The following CTSS variants were observed in gnomAD, a reference collection of about 807,000 sequenced individuals.
CTSS encodes cathepsin S.
In CTSS, 15 loss-of-function variants were observed where a neutral mutation model predicts 39.9. The ratio of observed to expected loss-of-function variants is 0.38; its 90% CI spans 0.25 to 0.58. The LOEUF (loss-of-function observed/expected upper bound fraction) is 0.58, where lower values mean the gene tolerates loss of function less well. Among genes scored for constraint, CTSS ranks in the 20% least tolerant of loss-of-function variants. The probability of loss-of-function intolerance (pLI) is 0.70; values close to 1 mark genes in which losing one functional copy is unlikely to be tolerated. For missense variants in CTSS, 250 were observed against 398.2 expected, an observed-to-expected ratio of 0.63 and a Z score of 3.17; for synonymous variants, 126 against 138.2, an observed-to-expected ratio of 0.91 and a Z score of 0.62.
At chr1:150,760,225 G>T (rs1415246530) in intron 2 of CTSS, among the ~76,000 whole-genome samples, 6 of 152,156 alleles carry the variant, frequency 3.9e-5, no homozygotes, top group Admixed American at 3.9e-4. Flanking sequence ...GGGTGTGGGT[G>T]AGGGTGAAAT....
intron 7 of CTSS, among the ~76,000 whole-genome samples, chr1:150,738,381 C>G (rs1377083545): frequency 1.3e-5 from 2 of 152,164 alleles, no homozygotes; most frequent in Non-Finnish European, 2.9e-5. Context: ...CACAATGTTT[C>G]CAACAGCCTG....
chr1:150,754,166 T>C (rs587684776), intron 4 of CTSS, among the ~76,000 whole-genome samples: 25 of 146,906 alleles, frequency 1.7e-4, no homozygotes, highest in Admixed American at 9.8e-4. Flanking sequence ...CAGGCTGGAG[T>C]GCAGTGGCAA....
At chr1:150,752,134 C>T in intron 4 of CTSS, 126 bp from the exon 5 acceptor site, 1 of 866,274 alleles carries the variant, frequency 1.2e-6, no homozygotes, top group East Asian at 2.7e-5. Context: ...AGCTCCCCCA[C>T]TACAGTTTCC....
chr1:150,755,683 T>A (rs1190100399), intron 3 of CTSS, among the ~76,000 whole-genome samples: 1 of 151,394 alleles, frequency 6.6e-6, no homozygotes, highest in Non-Finnish European at 1.5e-5. Flanking sequence ...GAGGTTGCAG[T>A]GAGCTGAGAT....
chr1:150,748,160 C>T (rs1013000895), intron 6 of CTSS: 11 of 217,812 alleles, frequency 5.1e-5, no homozygotes, highest in African/African-American at 1.9e-4. Flanking sequence ...CATGGTGGCA[C>T]GCACCTGTAG....
At chr1:150,740,539 C>A (rs377564552) in intron 7 of CTSS, among the ~76,000 whole-genome samples, 3 of 151,946 alleles carry the variant, frequency 2.0e-5, no homozygotes, top group African/African-American at 4.8e-5. Context: ...TACAGGCATG[C>A]GCCACCACGC....
intron 3 of CTSS, 34 bp downstream of exon 3, chr1:150,757,824 G>C: frequency 6.2e-7 from 1 of 1,601,482 alleles, no homozygotes; most frequent in South Asian, 1.1e-5. Context: ...TATTTACCCA[G>C]ACGTGAAAGT....
At chr1:150,761,518 G>A (rs1362058393) in intron 2 of CTSS, among the ~76,000 whole-genome samples, 1 of 151,794 alleles carries the variant, frequency 6.6e-6, no homozygotes, top group Non-Finnish European at 1.5e-5. Context: ...GATCACCTGA[G>A]GTCGGGAGTT....
At chr1:150,758,838 C>G (rs1044690919) in intron 2 of CTSS, among the ~76,000 whole-genome samples, 3 of 150,786 alleles carry the variant, frequency 2.0e-5, no homozygotes, top group African/African-American at 7.3e-5. Flanking sequence ...GTGTAAGCCA[C>G]CGCGCCCAGC....
chr1:150,757,621 T>C (rs587615480), intron 3 of CTSS, among the ~76,000 whole-genome samples: 1 of 152,050 alleles, frequency 6.6e-6, no homozygotes, highest in East Asian at 1.9e-4. Flanking sequence ...ACAATGGTAG[T>C]CTCTGAGTTT....
Position 150,743,312 on chromosome 1 carries a change from T to A in CTSS, c.896+4465A>T, listed in dbSNP as rs587640628. ...GAACAATTCCATACATCTGGAAACT[T>A]GATTCAAATAGTGTCTTCTCTGTGG... On this transcript the variant is annotated intron_variant, in intron 7 of 7. Coordinates refer to ENST00000368985, the MANE Select transcript of CTSS (RefSeq NM_004079.5). Among the ~76,000 whole-genome samples the A allele has an allele frequency of 9.9e-5, 15 of 151,708 alleles. No individual in the cohort carries two copies. The South Asian group carries it at 2.9e-3, about 29-fold the overall frequency.
chr1:150,739,201 AAAAC>A (rs1652695883), intron 7 of CTSS, among the ~76,000 whole-genome samples: 1 of 152,064 alleles, frequency 6.6e-6, no homozygotes, highest in Non-Finnish European at 1.5e-5. Context: ...TCAAAAAACA[AAAAC>A]AAAAAACAAC....
intron 6 of CTSS, 197 bp from the exon 7 acceptor site, chr1:150,748,076 G>A: frequency 4.3e-6 from 2 of 468,236 alleles, no homozygotes. Context: ...CGGGTCACAA[G>A]GTCAAGAGAT....
intron 7 of CTSS, among the ~76,000 whole-genome samples, chr1:150,743,160 A>C (rs587748836): frequency 6.0e-4 from 91 of 152,264 alleles, no homozygotes; most frequent in Non-Finnish European, 1.1e-3. Flanking sequence ...AAAATAACGT[A>C]AGATATGAGG....
At chr1:150,735,980 G>A (rs965080927) in intron 7 of CTSS, among the ~76,000 whole-genome samples, 2 of 151,744 alleles carry the variant, frequency 1.3e-5, no homozygotes. Flanking sequence ...GGATGGTCTC[G>A]ATCTCCTGAC....
intron 7 of CTSS, among the ~76,000 whole-genome samples, chr1:150,737,926 T>C (rs1652668872): frequency 6.6e-6 from 1 of 152,048 alleles, no homozygotes; most frequent in Non-Finnish European, 1.5e-5. Flanking sequence ...AAGCATGATG[T>C]GTCAAGAAAT....
At chr1:150,745,526 G>A (rs777196284) in intron 7 of CTSS, among the ~76,000 whole-genome samples, 5 of 152,110 alleles carry the variant, frequency 3.3e-5, no homozygotes, top group Admixed American at 1.3e-4. Context: ...GTCTGGTGTG[G>A]TGGTGCATGC....
In CTSS at chr1:150,755,456, G is replaced by A. The variant is rs587698092; in HGVS notation, c.250-306C>T. Among the ~76,000 whole-genome samples, 5 of 152,028 alleles carry A rather than the reference G, an allele frequency of 3.3e-5. No individual in the cohort carries two copies. In the East Asian group the frequency reaches 9.7e-4, roughly 29 times the overall value. ...AAATACAGTATAAAAAGTAAAAATG[G>A]GAGCTGGGCATGGTGGCTCACGCCT... is the stretch of plus-strand genomic sequence containing the variant. On this transcript the variant is annotated intron_variant, in intron 3 of 7. Coordinates refer to ENST00000368985, the MANE Select transcript of CTSS (RefSeq NM_004079.5).
intron 2 of CTSS, among the ~76,000 whole-genome samples, chr1:150,759,698 C>T (rs904710505): frequency 1.3e-5 from 2 of 151,898 alleles, no homozygotes; most frequent in Non-Finnish European, 2.9e-5. Context: ...ATTTTCTTGT[C>T]CTTCAGGAGA....
Sources: allele counts gnomAD v4.1 joint callset (sites outside exome capture counted in the v4.1 genomes callset), GRCh38; gene constraint gnomAD v4.1.1; transcripts MANE v1.5; gene names NCBI Gene and HGNC (gene_info 2026-07-23, HGNC 2026-07-21).